Variants in MAGI3 observed in about 807,000 individuals in gnomAD.
MAGI3 encodes membrane associated guanylate kinase, WW and PDZ domain containing 3, also known as membrane-associated guanylate kinase, WW and PDZ domain-containing protein 3.
MAGI3 carries 43 observed loss-of-function variants against 121.8 expected under a neutral mutation model. The observed-to-expected ratio is 0.35, with a 90% CI of 0.28 to 0.46. The LOEUF (loss-of-function observed/expected upper bound fraction) is 0.46, where lower values mean the gene tolerates loss of function less well. Among genes scored for constraint, MAGI3 ranks in the 20% least tolerant of loss-of-function variants. The pLI, the probability that MAGI3 is intolerant of heterozygous loss-of-function variation, is 1.00. For synonymous variants in MAGI3, 553 were observed against 639.3 expected (o/e 0.86, Z 2.04); for missense variants, 1,547 against 1,797.3 (o/e 0.86, Z 2.52).
At chr1:113,612,132 C>T (rs1233262721) in intron 6 of MAGI3, among the ~76,000 whole-genome samples, 2 of 151,892 alleles carry the variant, frequency 1.3e-5, no homozygotes, top group African/African-American at 2.4e-5. Flanking sequence ...TTAGTAGAGA[C>T]GGGGTTTCAC....
intron 19 of MAGI3, among the ~76,000 whole-genome samples, chr1:113,679,662 A>G (rs767712655): frequency 1.3e-5 from 2 of 151,758 alleles, no homozygotes; most frequent in Non-Finnish European, 2.9e-5. Flanking sequence ...GTACTAAGGT[A>G]TATCTTATTC....
chr1:113,576,271 T>A (rs933861915), intron 2 of MAGI3, among the ~76,000 whole-genome samples: 1 of 152,136 alleles, frequency 6.6e-6, no homozygotes, highest in Non-Finnish European at 1.5e-5. Context: ...AGCCGCCTCG[T>A]TTCGTGCTTG....
At chr1:113,614,885 A>G (rs1190116687) in intron 7 of MAGI3, among the ~76,000 whole-genome samples, 1 of 152,142 alleles carries the variant, frequency 6.6e-6, no homozygotes, top group East Asian at 1.9e-4. Context: ...AGTTGCCTAG[A>G]CAATTAATAG....
At chr1:113,463,821 C>T (rs141513229) in intron 1 of MAGI3, among the ~76,000 whole-genome samples, 52 of 152,118 alleles carry the variant, frequency 3.4e-4, no homozygotes, top group African/African-American at 1.1e-3. Context: ...TTAATACTCT[C>T]ACATTAATAC....
Position 113,391,244 on chromosome 1 carries a change from C to A in MAGI3, c.211C>A (p.Leu71Met). 6.4e-7 allele frequency: 1 copy of A among 1,573,728 alleles called. No homozygotes were observed. Among genetic ancestry groups the A allele is most frequent in the Admixed American group, 1.8e-5 (1 of 54,362 alleles). The change falls in exon 1 of 21, where the codon CTG becomes ATG. Residue 71 changes from leucine to methionine, a missense_variant. Coordinates refer to ENST00000307546, the MANE Select transcript of MAGI3 (RefSeq NM_001142782.2). The surrounding 1 kb of genome is among the most constrained non-coding windows in gnomAD (Gnocchi z 4.4). ...CAAGGCGCCCAGCCCAGGCGATGTG[C>A]TGCTGGAGGTAAACGGGACGCCTGT... ...SGKAPSPGDV[L>M]LEVNGTPVSG...
chr1:113,638,043 T>C (rs983239892), intron 9 of MAGI3, among the ~76,000 whole-genome samples: 4 of 152,260 alleles, frequency 2.6e-5, no homozygotes, highest in Non-Finnish European at 5.9e-5. Flanking sequence ...GCTTCTGCAT[T>C]CCTCACGTAG....
intron 1 of MAGI3, among the ~76,000 whole-genome samples, chr1:113,505,358 A>G (rs924152068): frequency 3.9e-5 from 6 of 152,024 alleles, no homozygotes; most frequent in African/African-American, 1.4e-4. Context: ...AGGTTTTGTA[A>G]TATTTTCTGT....
chr1:113,639,936 C>A (rs1652346972), intron 9 of MAGI3, among the ~76,000 whole-genome samples: 1 of 152,078 alleles, frequency 6.6e-6, no homozygotes, highest in Admixed American at 6.6e-5. Context: ...AATTCCTGAC[C>A]TCAGGTGTAC....
intron 16 of MAGI3, among the ~76,000 whole-genome samples, chr1:113,664,679 G>A (rs1571020129): frequency 6.6e-6 from 1 of 152,140 alleles, no homozygotes; most frequent in East Asian, 1.9e-4. Flanking sequence ...AAAACATTGA[G>A]GATTCTGATA....
chr1:113,619,915 A>G lies in MAGI3; in HGVS notation c.1171+85A>G, dbSNP rs1195817545. 6.6e-6 allele frequency: 6 copies of G among 903,858 alleles called. No homozygotes were observed. The African/African-American group carries it at 1.0e-4, about 15-fold the overall frequency. 56.0% of individuals were successfully genotyped at this position (903,858 alleles called of 1,614,324 possible). A position where few individuals can be genotyped will look rare whatever the true frequency, so the allele number is the denominator to read the frequency against. On this transcript the variant is annotated intron_variant, in intron 8 of 20. Transcript: ENST00000307546. Reference sequence around the variant, plus strand: ...TAATAAAAGTGAGTTTGAACTTCTTATTTCTATGGCTTTGACACTAAAGAG... The same window carrying G: ...TAATAAAAGTGAGTTTGAACTTCTTGTTTCTATGGCTTTGACACTAAAGAG...
rs182173445 is a variant in MAGI3 at position 113,474,671 on chromosome 1, C to T, written c.317-74844C>T. On this transcript the variant is annotated intron_variant, in intron 1 of 20. Transcript: ENST00000307546. ...ATGCTGTTTTGGTTAAGTCAGGTAG[C>T]GTGATGCCTCCAGCTTTGTTCTTTT... 7.8e-4 allele frequency among the ~76,000 whole-genome samples: 118 copies of T among 150,812 alleles called. 2 individuals carry two copies. Among genetic ancestry groups the T allele is most frequent in the African/African-American group, 2.7e-3 (112 of 41,370 alleles).
Position 113,633,238 on chromosome 1 carries a change from A to ATTTTTTTTTTTTTTT in MAGI3, c.1361-8646_1361-8632dup, listed in dbSNP as rs71090716. Among the ~76,000 whole-genome samples, 7 of 56,670 alleles carry ATTTTTTTTTTTTTTT rather than the reference A, an allele frequency of 1.2e-4. 3 individuals carry two copies. Among genetic ancestry groups the ATTTTTTTTTTTTTTT allele is most frequent in the Admixed American group, 5.9e-4 (2 of 3,390 alleles). 37.2% of individuals were successfully genotyped at this position (56,670 alleles called of 152,430 possible). On this transcript the variant is annotated intron_variant, in intron 9 of 20. Coordinates refer to ENST00000307546, the MANE Select transcript of MAGI3 (RefSeq NM_001142782.2). ...TCCCTACAAAGGACATGAACTCATC[A>ATTTTTTTTTTTTTTT]TTTTTTTTTTTTTTTTTTTTTTTTT...
chr1:113,433,835 G>A (rs572721327), intron 1 of MAGI3, among the ~76,000 whole-genome samples: 7 of 152,088 alleles, frequency 4.6e-5, no homozygotes, highest in East Asian at 1.9e-4. Flanking sequence ...ATTATGCCCC[G>A]TTAAAAACCC....
At chr1:113,494,676 A>G (rs537733766) in intron 1 of MAGI3, among the ~76,000 whole-genome samples, 1 of 152,210 alleles carries the variant, frequency 6.6e-6, no homozygotes, top group Non-Finnish European at 1.5e-5. Context: ...GGTAGCATTC[A>G]TAAGTGTTGT....
At chr1:113,552,770 T>C (rs948925227) in intron 2 of MAGI3, among the ~76,000 whole-genome samples, 2 of 152,094 alleles carry the variant, frequency 1.3e-5, no homozygotes, top group African/African-American at 4.8e-5. Flanking sequence ...ACACAAAAAT[T>C]GAAGTGTCCA....
intron 16 of MAGI3, among the ~76,000 whole-genome samples, chr1:113,669,488 G>C (rs1366417447): frequency 6.6e-6 from 1 of 152,168 alleles, no homozygotes; most frequent in Non-Finnish European, 1.5e-5. Context: ...GGAGTGCCCA[G>C]GTAACAAGTA....
At chr1:113,460,392 A>G (rs1570707744) in intron 1 of MAGI3, among the ~76,000 whole-genome samples, 1 of 152,208 alleles carries the variant, frequency 6.6e-6, no homozygotes, top group East Asian at 1.9e-4. Context: ...TACCACTTCA[A>G]TTCAACATAG....
intron 1 of MAGI3, among the ~76,000 whole-genome samples, chr1:113,451,608 T>C (rs1301126115): frequency 6.6e-6 from 1 of 152,088 alleles, no homozygotes. Context: ...TATAAGGAAA[T>C]AGACATCAAT....
intron 1 of MAGI3, among the ~76,000 whole-genome samples, chr1:113,470,580 T>C (rs1655494990): frequency 6.6e-6 from 1 of 152,206 alleles, no homozygotes; most frequent in South Asian, 2.1e-4. Context: ...TTAGCAAATT[T>C]TAAGTTTACA....
Sources: gnomAD v4.1 joint callset for allele counts (sites outside exome capture counted in the v4.1 genomes callset) on GRCh38, gnomAD v4.1.1 for gene constraint, Gnocchi (gnomAD v3.1) non-coding constraint, MANE v1.5 for transcripts, NCBI Gene and HGNC (gene_info 2026-07-23, HGNC 2026-07-21) for gene names.